Variants in HNF4G observed in about 807,000 individuals in gnomAD.
HNF4G encodes the protein hepatocyte nuclear factor 4 gamma, also known as hepatocyte nuclear factor 4-gamma.
HNF4G carries 21 observed loss-of-function variants against 50.9 expected under a neutral mutation model. The ratio of observed to expected loss-of-function variants is 0.41; its 90% CI spans 0.29 to 0.59. The LOEUF (loss-of-function observed/expected upper bound fraction) is 0.59, where lower values mean the gene tolerates loss of function less well. HNF4G is among the 20% of genes least tolerant of loss of function. The pLI is 0.26. For missense variants in HNF4G, 527 were observed against 559.4 expected, an observed-to-expected ratio of 0.94 and a Z score of 0.58; for synonymous variants, 198 against 185.6, an observed-to-expected ratio of 1.07 and a Z score of -0.54.
At chr8:75,460,091 C>G (rs897124914) in intron 1 of HNF4G, among the ~76,000 whole-genome samples, 1 of 150,914 alleles carries the variant, frequency 6.6e-6, no homozygotes, top group Admixed American at 6.6e-5. Flanking sequence ...AAAAAAAAAT[C>G]TCTTTGCAGT....
intron 1 of HNF4G, among the ~76,000 whole-genome samples, chr8:75,438,651 G>GT (rs959405274): frequency 4.6e-4 from 67 of 146,676 alleles, no homozygotes; most frequent in African/African-American, 1.1e-3. Context: ...TCTGTTTTAT[G>GT]TTTTTTTTTC....
intron 1 of HNF4G, among the ~76,000 whole-genome samples, chr8:75,427,203 G>C (rs1320357922): frequency 6.6e-6 from 1 of 152,138 alleles, no homozygotes; most frequent in Non-Finnish European, 1.5e-5. Flanking sequence ...GTTACCTTGT[G>C]AGTATCAGTG....
chr8:75,507,452 G>T (rs1383054463), intron 2 of HNF4G, among the ~76,000 whole-genome samples: 1 of 151,918 alleles, frequency 6.6e-6, no homozygotes, highest in African/African-American at 2.4e-5. Context: ...ATAGAGATGG[G>T]ATTTCACCAT....
At chr8:75,432,003 C>T (rs1032434305) in intron 1 of HNF4G, among the ~76,000 whole-genome samples, 1 of 151,546 alleles carries the variant, frequency 6.6e-6, no homozygotes. Flanking sequence ...ACTGCACTTA[C>T]AACAGTGGCT....
intron 1 of HNF4G, among the ~76,000 whole-genome samples, chr8:75,476,330 A>C (rs531269453): frequency 1.3e-5 from 2 of 152,160 alleles, no homozygotes; most frequent in Non-Finnish European, 2.9e-5. Context: ...TCTTTACCCA[A>C]TCATTCATTG....
At chr8:75,540,924 T>C (rs1177422859) in intron 1 of HNF4G, among the ~76,000 whole-genome samples, 1 of 151,398 alleles carries the variant, frequency 6.6e-6, no homozygotes, top group African/African-American at 2.4e-5. Flanking sequence ...GAGGATATCT[T>C]ACTATTCTAC....
intron 1 of HNF4G, among the ~76,000 whole-genome samples, chr8:75,411,177 G>A (rs573227972): frequency 2.3e-4 from 35 of 152,316 alleles, no homozygotes; most frequent in African/African-American, 7.7e-4. Flanking sequence ...GGTCGTGAAC[G>A]TAACTATGGC....
chr8:75,432,785 C>G (rs1369935637), intron 1 of HNF4G, among the ~76,000 whole-genome samples: 1 of 152,070 alleles, frequency 6.6e-6, no homozygotes, highest in Admixed American at 6.5e-5. Context: ...CCAGAAATGA[C>G]AGTGTGTGAT....
chr8:75,502,761 A>G (rs991473274), intron 2 of HNF4G, among the ~76,000 whole-genome samples: 4 of 152,190 alleles, frequency 2.6e-5, no homozygotes, highest in Non-Finnish European at 1.5e-5. Flanking sequence ...AATTTGACCT[A>G]TACCTTTCGC....
At position 75,474,469 on chromosome 8, in the gene HNF4G, T is replaced by C. The variant is rs117553207; in HGVS notation, c.-143-15620T>C. ...AGGAAGTTAGAAGGAAGATTGAGTA[T>C]TGTATGAAGGTTTTAGATTTCATGT... On this transcript the variant is annotated intron_variant, in intron 1 of 10. Coordinates refer to the HNF4G transcript ENST00000354370. Among the ~76,000 whole-genome samples the C allele has an allele frequency of 2.0e-4, 31 of 152,290 alleles. 1 individual carries two copies. The East Asian group carries it at 4.6e-3, about 23-fold the overall frequency.
intron 1 of HNF4G, among the ~76,000 whole-genome samples, chr8:75,447,501 C>T (rs1158490181): frequency 1.4e-5 from 2 of 144,194 alleles, no homozygotes; most frequent in Admixed American, 1.4e-4. Context: ...AGGCAACCTA[C>T]AACATGGGAG....
chr8:75,505,395 T>G (rs920113729), intron 2 of HNF4G, among the ~76,000 whole-genome samples: 1 of 152,150 alleles, frequency 6.6e-6, no homozygotes, highest in African/African-American at 2.4e-5. Flanking sequence ...TGCAAATGAA[T>G]TTGGAATTGT....
chr8:75,425,093 T>TTTATTTAC (rs1228182413), intron 1 of HNF4G, among the ~76,000 whole-genome samples: 5 of 151,192 alleles, frequency 3.3e-5, no homozygotes, highest in Non-Finnish European at 7.4e-5. Context: ...TATTTATTTA[T>TTTATTTAC]TTATTTATTT....
At chr8:75,410,183 A>G (rs1290390937) in intron 1 of HNF4G, among the ~76,000 whole-genome samples, 1 of 152,150 alleles carries the variant, frequency 6.6e-6, no homozygotes, top group East Asian at 1.9e-4. Flanking sequence ...ATCTATGTAC[A>G]TTATCTTTGC....
intron 2 of HNF4G, among the ~76,000 whole-genome samples, chr8:75,494,747 A>G (rs1812725062): frequency 6.6e-6 from 1 of 152,120 alleles, no homozygotes; most frequent in African/African-American, 2.4e-5. Flanking sequence ...TTTAGATAAT[A>G]CTAGTAATAG....
chr8:75,438,437 GT>G (rs2130539234), intron 1 of HNF4G, among the ~76,000 whole-genome samples: 1 of 152,228 alleles, frequency 6.6e-6, no homozygotes, highest in East Asian at 1.9e-4. Flanking sequence ...CATTGTCCCT[GT>G]CCCTAACATC....
intron 1 of HNF4G, among the ~76,000 whole-genome samples, chr8:75,440,271 C>T (rs1811246613): frequency 6.6e-6 from 1 of 152,086 alleles, no homozygotes; most frequent in Admixed American, 6.5e-5. Flanking sequence ...GTGAGTGGGT[C>T]CATTATTTTT....
At position 75,558,703 on chromosome 8, in the gene HNF4G, A is replaced by G. The variant is rs10104956; in HGVS notation, c.886+33A>G. On this transcript the variant is annotated intron_variant, in intron 7 of 9. Transcript: ENST00000396423. ...TTCAAAATTCCACTAGAGAATTAAT[A>G]TAATAAAAATTGAACTACTTTTCAA... The G allele has an allele frequency of 1.5e-5, 24 of 1,594,248 alleles. No individual in the cohort carries two copies. The African/African-American group carries it at 2.4e-4, about 16-fold the overall frequency.
intron 1 of HNF4G, among the ~76,000 whole-genome samples, chr8:75,457,914 G>A (rs1240122993): frequency 1.3e-5 from 2 of 151,932 alleles, no homozygotes; most frequent in Non-Finnish European, 2.9e-5. Context: ...CTTTGCAGTA[G>A]AGAACAAAAA....
Sources: allele counts gnomAD v4.1 joint callset (sites outside exome capture counted in the v4.1 genomes callset), GRCh38; gene constraint gnomAD v4.1.1; transcripts MANE v1.5; gene names NCBI Gene and HGNC (gene_info 2026-07-23, HGNC 2026-07-21).